The following CSRNP3 variants were observed in gnomAD, a reference collection of about 807,000 sequenced individuals.
CSRNP3 encodes cysteine and serine rich nuclear protein 3.
CSRNP3 carries 12 observed loss-of-function variants against 48.0 expected under a neutral mutation model. That is an observed-to-expected ratio of 0.25 (90% CI 0.16 to 0.41). CSRNP3 has a LOEUF of 0.41. Ranked by LOEUF, CSRNP3 falls within the 10% of genes least tolerant of loss-of-function variation. CSRNP3 has a pLI of 1.00. For missense variants in CSRNP3, 580 were observed against 724.4 expected (o/e 0.80, Z 2.29); for synonymous variants, 263 against 269.7 (o/e 0.98, Z 0.24).
intron 4 of CSRNP3, among the ~76,000 whole-genome samples, chr2:165,633,850 C>A (rs753073234): frequency 6.6e-5 from 10 of 152,196 alleles, no homozygotes; most frequent in Admixed American, 4.6e-4. Flanking sequence ...CTTCCCCTTA[C>A]AACCTCTGGG....
intron 3 of CSRNP3, among the ~76,000 whole-genome samples, chr2:165,588,108 C>G (rs1489163793): frequency 1.3e-5 from 2 of 151,808 alleles, no homozygotes; most frequent in Non-Finnish European, 2.9e-5. Context: ...ATAAATAATA[C>G]GGATTTAGAA....
intron 3 of CSRNP3, among the ~76,000 whole-genome samples, chr2:165,540,471 A>G (rs1343732796): frequency 1.3e-5 from 2 of 152,018 alleles, no homozygotes; most frequent in Non-Finnish European, 2.9e-5. Flanking sequence ...GAGAAACATA[A>G]TTAATACCTG....
rs772385080 is a variant in CSRNP3, at chr2:165,620,393, CT to C, written c.148+25181del. On this transcript the variant is annotated intron_variant, in intron 4 of 6. Coordinates refer to ENST00000651982, the MANE Select transcript of CSRNP3 (RefSeq NM_001172173.2). ...CCACTTAATTACAGGTCCAAAGTGG[CT>C]ATTTTCCATTATTTTTCCAATTAAA... 6.6e-5 allele frequency among the ~76,000 whole-genome samples: 10 copies of C among 152,124 alleles called. No individual in the cohort carries two copies. In the East Asian group the frequency reaches 7.7e-4, roughly 12 times the overall value.
At chr2:165,614,289 C>T (rs540428548) in intron 4 of CSRNP3, among the ~76,000 whole-genome samples, 13 of 152,058 alleles carry the variant, frequency 8.5e-5, no homozygotes, top group African/African-American at 2.9e-4. Context: ...ATGTATCCTG[C>T]GACTTTACTC....
intron 4 of CSRNP3, among the ~76,000 whole-genome samples, chr2:165,636,146 C>T (rs1686624597): frequency 6.6e-6 from 1 of 152,210 alleles, no homozygotes; most frequent in Non-Finnish European, 1.5e-5. Flanking sequence ...GAAACAATCT[C>T]TTCCATTGGC....
At chr2:165,542,594 G>T (rs1684972749) in intron 3 of CSRNP3, among the ~76,000 whole-genome samples, 1 of 152,122 alleles carries the variant, frequency 6.6e-6, no homozygotes, top group Non-Finnish European at 1.5e-5. Context: ...CTGTATGGAT[G>T]TATCAAAATG....
intron 3 of CSRNP3, among the ~76,000 whole-genome samples, chr2:165,539,975 A>G (rs10198543): frequency 0.46 from 69,901 of 151,838 alleles, 16,441 homozygotes; most frequent in African/African-American, 0.55. Context: ...AAACATCAGA[A>G]TTGCTGTTAA....
At chr2:165,668,556 C>G (rs1354096062) in intron 5 of CSRNP3, among the ~76,000 whole-genome samples, 4 of 151,990 alleles carry the variant, frequency 2.6e-5, no homozygotes, top group African/African-American at 9.7e-5. Context: ...TGCCTGCCAT[C>G]AATCCTGGCT....
chr2:165,581,409 T>C (rs1279202653), intron 3 of CSRNP3, among the ~76,000 whole-genome samples: 1 of 152,086 alleles, frequency 6.6e-6, no homozygotes, highest in East Asian at 1.9e-4. Flanking sequence ...GTGAAGGAAG[T>C]GGGTATGAAC....
intron 3 of CSRNP3, among the ~76,000 whole-genome samples, chr2:165,587,681 A>G (rs913414232): frequency 6.6e-5 from 10 of 152,170 alleles, no homozygotes; most frequent in African/African-American, 2.4e-4. Flanking sequence ...TGTATCGTAG[A>G]TTGCATGAAC....
rs144606970 is a variant in CSRNP3 at position 165,522,428 on chromosome 2, C to T, written c.-24+4467C>T. 1.7e-3 allele frequency among the ~76,000 whole-genome samples: 265 copies of T among 152,206 alleles called. 5 individuals are homozygous for T. Among genetic ancestry groups the T allele is most frequent in the East Asian group, 0.015 (76 of 5,124 alleles). The stretch of plus-strand genomic sequence containing the variant: ...TTTATTTTCCTTTTATTTGCTTATA[C>T]TCGGCCTTGTATCTAAAACATGTTT... On this transcript the variant is annotated intron_variant, in intron 3 of 6. Coordinates refer to ENST00000651982, the MANE Select transcript of CSRNP3 (RefSeq NM_001172173.2).
chr2:165,641,872 C>CT (rs1686726371), intron 4 of CSRNP3, among the ~76,000 whole-genome samples: 1 of 152,144 alleles, frequency 6.6e-6, no homozygotes, highest in South Asian at 2.1e-4. Flanking sequence ...TTCTTCTGCT[C>CT]TTTTGTTTCT....
Position 165,688,343 on chromosome 2 carries a change from G to T in CSRNP3, c.*8590G>T, listed in dbSNP as rs545816732. ...ATTTTTAGTTTATTGAATTTCTGGTGTACTAGCCTCTTAAGATAGAACTTT... is the reference window on the plus strand; with the variant it reads ...ATTTTTAGTTTATTGAATTTCTGGTTTACTAGCCTCTTAAGATAGAACTTT... On this transcript the variant is annotated 3_prime_UTR_variant, in exon 7 of 7. Coordinates refer to ENST00000651982, the MANE Select transcript of CSRNP3 (RefSeq NM_001172173.2). The T allele has an allele frequency of 6.6e-6, 1 of 152,068 alleles. No homozygotes were observed. The allele number at this position is 152,068 out of a possible 1,614,324, so 9.4% of individuals were successfully genotyped here.
At chr2:165,578,987 T>C (rs553688337) in intron 3 of CSRNP3, among the ~76,000 whole-genome samples, 8 of 152,212 alleles carry the variant, frequency 5.3e-5, no homozygotes, top group African/African-American at 1.9e-4. Context: ...TCAAGGGATT[T>C]TTATGAAAGG....
At chr2:165,621,800 T>G (rs1686344235) in intron 4 of CSRNP3, among the ~76,000 whole-genome samples, 1 of 152,218 alleles carries the variant, frequency 6.6e-6, no homozygotes, top group African/African-American at 2.4e-5. Flanking sequence ...TTTATCTTCC[T>G]TTCTCTACTG....
At position 165,513,075 on chromosome 2, in the gene CSRNP3, A is replaced by G. The variant is rs368427113; in HGVS notation, c.-112-4798A>G. Among the ~76,000 whole-genome samples, 30 of 152,298 alleles carry G rather than the reference A, an allele frequency of 2.0e-4. No homozygotes were observed. In the South Asian group the frequency reaches 2.7e-3, roughly 14 times the overall value. On this transcript the variant is annotated intron_variant, in intron 2 of 6. Coordinates refer to ENST00000651982, the MANE Select transcript of CSRNP3 (RefSeq NM_001172173.2). ...AGCCGAGATCCCACCACTGCACTCC[A>G]GCCTGAGTGACAGAGCAAGACTCTG...
At chr2:165,670,823 G>A (rs1368349589) in intron 5 of CSRNP3, among the ~76,000 whole-genome samples, 2 of 144,906 alleles carry the variant, frequency 1.4e-5, no homozygotes. Context: ...AAGAGTCAAG[G>A]CTATTTGGTA....
intron 4 of CSRNP3, among the ~76,000 whole-genome samples, chr2:165,647,388 C>T (rs1178956111): frequency 1.3e-5 from 2 of 152,034 alleles, no homozygotes; most frequent in Non-Finnish European, 2.9e-5. Flanking sequence ...TAAAAAAAAC[C>T]AGCCTTTAAA....
At chr2:165,565,731 A>G (rs187753663) in intron 3 of CSRNP3, among the ~76,000 whole-genome samples, 1 of 152,170 alleles carries the variant, frequency 6.6e-6, no homozygotes. Context: ...ACATTTGCCT[A>G]AAGGAGAAAT....
Sources: gnomAD v4.1 joint callset for allele counts (sites outside exome capture counted in the v4.1 genomes callset) on GRCh38, gnomAD v4.1.1 for gene constraint, MANE v1.5 for transcripts, NCBI Gene and HGNC (gene_info 2026-07-23, HGNC 2026-07-21) for gene names.